The following NXPE2 variants were observed in gnomAD, a reference collection of about 807,000 sequenced individuals.
The protein encoded by NXPE2 is neurexophilin and PC-esterase domain family member 2.
In NXPE2, 34 loss-of-function variants were observed where a neutral mutation model predicts 34.4. The observed-to-expected ratio is 0.99, with a 90% CI of 0.75 to 1.31. NXPE2 has a LOEUF of 1.31. Ranked by LOEUF, NXPE2 falls within the 40% of genes most tolerant of loss-of-function variation. The probability of loss-of-function intolerance (pLI) is 0.00; values close to 1 mark genes in which losing one functional copy is unlikely to be tolerated. For synonymous variants in NXPE2, 235 were observed against 231.3 expected (o/e 1.02, Z -0.15); for missense variants, 649 against 672.5 (o/e 0.97, Z 0.39).
the NXPE2 span, among the ~76,000 whole-genome samples, chr11:114,805,986 C>T: frequency 6.6e-6 from 1 of 152,198 alleles, no homozygotes; most frequent in Non-Finnish European, 1.5e-5. Flanking sequence ...GGGTACTCCT[C>T]TGAGACAAAA....
the NXPE2 span, among the ~76,000 whole-genome samples, chr11:114,786,240 G>A: frequency 6.6e-6 from 1 of 152,284 alleles, no homozygotes; most frequent in South Asian, 2.1e-4. Flanking sequence ...ATTATTGGAC[G>A]ATGTCCTCAG....
At chr11:114,751,088 C>A in the NXPE2 span, among the ~76,000 whole-genome samples, 1 of 152,114 alleles carries the variant, frequency 6.6e-6, no homozygotes, top group Non-Finnish European at 1.5e-5. Context: ...AATGACCACT[C>A]CCTAGTTGCT....
chr11:114,601,686 A>ATATAT, the NXPE2 span, among the ~76,000 whole-genome samples: 1 of 31,678 alleles, frequency 3.2e-5, no homozygotes, highest in Admixed American at 6.1e-4. Context: ...ATTATAGATT[A>ATATAT]TATATATTTA....
chr11:114,674,692 T>C (rs941588330), upstream of NXPE2, among the ~76,000 whole-genome samples: 3 of 151,760 alleles, frequency 2.0e-5, no homozygotes, highest in African/African-American at 7.3e-5. Context: ...AGACAGGACC[T>C]GATGGCTTCT....
the NXPE2 span, among the ~76,000 whole-genome samples, chr11:114,717,721 C>A: frequency 6.6e-6 from 1 of 152,174 alleles, no homozygotes; most frequent in Non-Finnish European, 1.5e-5. Context: ...CTTCCCACTT[C>A]CCCCCACTGA....
chr11:114,622,829 A>C, the NXPE2 span, among the ~76,000 whole-genome samples: 1 of 151,824 alleles, frequency 6.6e-6, no homozygotes, highest in African/African-American at 2.4e-5. Flanking sequence ...ACTCTTACCC[A>C]GTGGATAGTA....
the NXPE2 span, among the ~76,000 whole-genome samples, chr11:114,511,984 G>C: frequency 6.6e-6 from 1 of 152,096 alleles, no homozygotes; most frequent in African/African-American, 2.4e-5. Context: ...ACCCACTCTT[G>C]GGTATTCCTT....
the NXPE2 span, among the ~76,000 whole-genome samples, chr11:114,561,535 C>T: frequency 6.6e-6 from 1 of 152,106 alleles, no homozygotes; most frequent in African/African-American, 2.4e-5. Flanking sequence ...TCAGAGGGGA[C>T]CAGTATTAGA....
At chr11:114,527,887 A>C in the NXPE2 span, 2 of 1,592,076 alleles carry the variant, frequency 1.3e-6, no homozygotes, top group Admixed American at 1.7e-5. Context: ...CATCATTTCA[A>C]CTCCCACTTT....
chr11:114,625,918 G>A, the NXPE2 span, among the ~76,000 whole-genome samples: 3 of 152,102 alleles, frequency 2.0e-5, no homozygotes, highest in South Asian at 2.1e-4. Flanking sequence ...GGTGACAGAC[G>A]GCACCTGGAA....
the NXPE2 span, among the ~76,000 whole-genome samples, chr11:114,658,778 G>A: frequency 6.6e-6 from 1 of 152,166 alleles, no homozygotes; most frequent in Non-Finnish European, 1.5e-5. Flanking sequence ...GGATCACTGA[G>A]AAGGCCTTTC....
the NXPE2 span, among the ~76,000 whole-genome samples, chr11:114,782,500 CT>C: frequency 6.6e-6 from 1 of 152,192 alleles, no homozygotes; most frequent in African/African-American, 2.4e-5. Flanking sequence ...GTGCCTTATG[CT>C]TTTATAAAAG....
the NXPE2 span, chr11:114,595,780 C>G: frequency 3.3e-5 from 5 of 152,282 alleles, no homozygotes; most frequent in African/African-American, 1.2e-4. Flanking sequence ...TCAGCTAAGA[C>G]AGAAGTGTCA....
chr11:114,647,428 T>C, the NXPE2 span, among the ~76,000 whole-genome samples: 2 of 152,216 alleles, frequency 1.3e-5, no homozygotes, highest in African/African-American at 4.8e-5. Flanking sequence ...TGTAAAACTA[T>C]CTAAATCTAT....
chr11:114,495,232 G>A, the NXPE2 span, among the ~76,000 whole-genome samples: 14 of 151,546 alleles, frequency 9.2e-5, no homozygotes, highest in East Asian at 2.8e-3. Context: ...GCCTATGTTC[G>A]CTCAAGGTTC....
the NXPE2 span, among the ~76,000 whole-genome samples, chr11:114,774,128 G>A: frequency 6.6e-6 from 1 of 152,180 alleles, no homozygotes; most frequent in African/African-American, 2.4e-5. Context: ...ACCAAACCCT[G>A]CAGAAGCCCC....
At chr11:114,581,634 G>A in the NXPE2 span, 5 of 1,026,718 alleles carry the variant, frequency 4.9e-6, no homozygotes, top group Admixed American at 2.0e-5. Flanking sequence ...GTGCTGATAG[G>A]ACTGAAACAG....
the NXPE2 span, among the ~76,000 whole-genome samples, chr11:114,719,110 C>A: frequency 6.6e-6 from 1 of 152,134 alleles, no homozygotes; most frequent in Non-Finnish European, 1.5e-5. Flanking sequence ...AGTTTCAGTT[C>A]TTCTGTTGTT....
At chr11:114,606,475 C>T in the NXPE2 span, among the ~76,000 whole-genome samples, 1 of 150,558 alleles carries the variant, frequency 6.6e-6, no homozygotes, top group Admixed American at 6.6e-5. Context: ...TCTAGGGTAA[C>T]CACTGTTCCT....
Sources: gnomAD v4.1 joint callset for allele counts (sites outside exome capture counted in the v4.1 genomes callset) on GRCh38, gnomAD v4.1.1 for gene constraint, MANE v1.5 for transcripts, NCBI Gene and HGNC (gene_info 2026-07-23, HGNC 2026-07-21) for gene names.